Variants in CHD9 observed in about 807,000 individuals in gnomAD.
The protein encoded by CHD9 is chromodomain helicase DNA binding protein 9, also known as ATP-dependent chromatin remodeler CHD9.
A neutral mutation model predicts 316.1 loss-of-function variants in CHD9; 77 were observed. The ratio of observed to expected loss-of-function variants is 0.24; its 90% CI spans 0.20 to 0.29. The LOEUF (loss-of-function observed/expected upper bound fraction) is 0.29, where lower values mean the gene tolerates loss of function less well. CHD9 is among the 10% of genes least tolerant of loss of function. The probability of loss-of-function intolerance (pLI) is 1.00; values close to 1 mark genes in which losing one functional copy is unlikely to be tolerated. For synonymous variants in CHD9, 1,129 were observed against 1,158.3 expected (o/e 0.97, Z 0.51); for missense variants, 2,763 against 3,438.1 (o/e 0.80, Z 4.91).
Position 53,243,028 on chromosome 16 carries a change from A to C in CHD9, c.3054+12A>C, listed in dbSNP as rs1244701745. On this transcript the variant is annotated intron_variant, in intron 13 of 38. Coordinates refer to ENST00000447540, the MANE Select transcript of CHD9 (RefSeq NM_001308319.2). Reference sequence around the variant, plus strand: ...AACTCATGAATCTGGTAAGTAACTTAATATTATCATTATGACAATTGAGTT... The same window carrying C: ...AACTCATGAATCTGGTAAGTAACTTCATATTATCATTATGACAATTGAGTT... The C allele has an allele frequency of 6.5e-7, 1 of 1,547,994 alleles. No homozygotes were observed. The highest frequency in any genetic ancestry group is 8.9e-7 in the Non-Finnish European group (1 of 1,126,938).
At chr16:53,207,740 T>C (rs2045996051) in intron 2 of CHD9, among the ~76,000 whole-genome samples, 1 of 152,212 alleles carries the variant, frequency 6.6e-6, no homozygotes, top group Non-Finnish European at 1.5e-5. Flanking sequence ...TTTTAAAATA[T>C]TGATAGCCAC....
chr16:53,141,828 G>C (rs1268566314), intron 1 of CHD9, among the ~76,000 whole-genome samples: 1 of 152,162 alleles, frequency 6.6e-6, no homozygotes, highest in East Asian at 1.9e-4. Flanking sequence ...GGTGGTACCT[G>C]AGTTTAATCG....
At chr16:53,076,187 C>A (rs916951250) in intron 1 of CHD9, among the ~76,000 whole-genome samples, 3 of 152,088 alleles carry the variant, frequency 2.0e-5, no homozygotes, top group African/African-American at 7.2e-5. Flanking sequence ...TAAATATTTA[C>A]TTCTATTTCT....
At chr16:53,192,634 G>T (rs868511066) in intron 2 of CHD9, among the ~76,000 whole-genome samples, 1 of 152,084 alleles carries the variant, frequency 6.6e-6, no homozygotes. Flanking sequence ...CCTCATTCCC[G>T]TTTGCACTCA....
Position 53,209,695 on chromosome 16 carries a change from A to G in CHD9, c.1666A>G (p.Thr556Ala), listed in dbSNP as rs1192490265. 5 of 1,613,686 alleles carry G rather than the reference A, an allele frequency of 3.1e-6. No homozygotes were observed. The highest frequency in any genetic ancestry group is 1.1e-5 in the South Asian group (1 of 91,080). Residue 556 changes from threonine to alanine, a missense_variant, in exon 3 of 39, where the codon ACT (threonine) becomes GCT (alanine). Transcript: ENST00000447540. The part of the protein sequence containing the change: ...PRVMSPENFP[T>A]ASVEGKEEKK... ...AGTAATGAGCCCTGAAAACTTTCCTACTGCTTCAGTTGAAGGAAAAGAGGA... is the reference window on the plus strand; with the variant it reads ...AGTAATGAGCCCTGAAAACTTTCCTGCTGCTTCAGTTGAAGGAAAAGAGGA...
At chr16:53,120,555 G>A (rs2038671399) in intron 1 of CHD9, among the ~76,000 whole-genome samples, 1 of 152,128 alleles carries the variant, frequency 6.6e-6, no homozygotes, top group Non-Finnish European at 1.5e-5. Flanking sequence ...GGAGGCTATG[G>A]TAAGCCGAGA....
At chr16:53,275,019 T>G (rs1430314515) in intron 24 of CHD9, among the ~76,000 whole-genome samples, 1 of 152,022 alleles carries the variant, frequency 6.6e-6, no homozygotes, top group Non-Finnish European at 1.5e-5. Flanking sequence ...CACAGATTTT[T>G]TATTTATTTG....
intron 1 of CHD9, among the ~76,000 whole-genome samples, chr16:53,119,780 C>T (rs553747051): frequency 1.4e-4 from 21 of 151,896 alleles, no homozygotes; most frequent in Admixed American, 1.2e-3. Context: ...TGCAGTGAGC[C>T]GAGACTGAGC....
chr16:53,222,321 C>T (rs2047317175), intron 3 of CHD9, among the ~76,000 whole-genome samples: 1 of 152,158 alleles, frequency 6.6e-6, no homozygotes, highest in African/African-American at 2.4e-5. Context: ...TTCCACCTGC[C>T]TCAGCCTCCC....
Position 53,324,357 on chromosome 16 carries a change from C to T in CHD9, c.8156C>T (p.Ala2719Val). The part of the protein sequence containing the change: ...AMFPMLLSGM[A>V]GLPNLLGMGG... ...TTCCCCATGCTGCTGTCAGGAATGG[C>T]TGGATTACCAAATCTGTTGGGCATG... The change falls in exon 39 of 39, where the codon GCT becomes GTT. Residue 2719 changes from alanine to valine, a missense_variant. By Grantham distance (64) the Ala-to-Val change is moderately conservative. Transcript: ENST00000447540. 2 of 1,613,988 alleles carry T rather than the reference C, an allele frequency of 1.2e-6. No homozygotes were observed. The highest frequency in any genetic ancestry group is 1.7e-6 in the Non-Finnish European group (2 of 1,179,874).
At chr16:53,211,264 T>C (rs1277979728) in intron 3 of CHD9, among the ~76,000 whole-genome samples, 1 of 152,146 alleles carries the variant, frequency 6.6e-6, no homozygotes, top group Admixed American at 6.5e-5. Flanking sequence ...GAAGTAAATC[T>C]AGTTTAAGAA....
intron 1 of CHD9, among the ~76,000 whole-genome samples, chr16:53,071,723 C>A (rs1384214273): frequency 1.3e-5 from 2 of 152,214 alleles, no homozygotes; most frequent in Admixed American, 1.3e-4. Flanking sequence ...TCGCCCACCC[C>A]TCGGTCCTGC....
chr16:53,155,516 T>C (rs2041456550), intron 1 of CHD9, among the ~76,000 whole-genome samples: 1 of 152,230 alleles, frequency 6.6e-6, no homozygotes, highest in Admixed American at 6.5e-5. Flanking sequence ...ATAATTTTTA[T>C]TCTTAAAGTA....
At chr16:53,167,497 C>G (rs982535983) in intron 2 of CHD9, among the ~76,000 whole-genome samples, 1 of 152,034 alleles carries the variant, frequency 6.6e-6, no homozygotes, top group African/African-American at 2.4e-5. Flanking sequence ...TTCCAGTTGA[C>G]AGTGGTTTCT....
rs914216481 is a variant in CHD9 at position 53,115,844 on chromosome 16, G to A, written c.-164-40082G>A. Among the ~76,000 whole-genome samples, 4 of 152,150 alleles carry A rather than the reference G, an allele frequency of 2.6e-5. No homozygotes were observed. In the East Asian group the frequency reaches 7.7e-4, roughly 29 times the overall value. ...AAGGAAATAAACTAGGAAATTAGGAGTCAAAGAAGGCCTCTAATATGAGGA... is the reference window on the plus strand; with the variant it reads ...AAGGAAATAAACTAGGAAATTAGGAATCAAAGAAGGCCTCTAATATGAGGA... On this transcript the variant is annotated intron_variant, in intron 1 of 38. Transcript: ENST00000447540.
At chr16:53,298,684 A>G (rs1360115276) in intron 30 of CHD9, 1 of 152,462 alleles carries the variant, frequency 6.6e-6, no homozygotes, top group East Asian at 1.9e-4. Flanking sequence ...CTACTCACCA[A>G]ACATATGGTA....
intron 1 of CHD9, among the ~76,000 whole-genome samples, chr16:53,131,973 GCT>G (rs1194479063): frequency 6.6e-6 from 1 of 152,204 alleles, no homozygotes; most frequent in East Asian, 1.9e-4. Context: ...TGGCTCCAGG[GCT>G]CTCTGCGTGG....
intron 1 of CHD9, among the ~76,000 whole-genome samples, chr16:53,154,116 T>C (rs1312802456): frequency 2.0e-5 from 3 of 152,230 alleles, no homozygotes; most frequent in Non-Finnish European, 4.4e-5. Context: ...ATTGAATTCA[T>C]ATTAATTTAA....
intron 3 of CHD9, among the ~76,000 whole-genome samples, chr16:53,217,445 G>A (rs1597473683): frequency 6.6e-6 from 1 of 152,094 alleles, no homozygotes. Flanking sequence ...ATAGAGATGG[G>A]GTTTCGCCAT....
Sources: gnomAD v4.1 joint callset for allele counts (sites outside exome capture counted in the v4.1 genomes callset) on GRCh38, gnomAD v4.1.1 for gene constraint, MANE v1.5 for transcripts, NCBI Gene and HGNC (gene_info 2026-07-23, HGNC 2026-07-21) for gene names.